Variants in SLC25A21 observed in about 807,000 individuals in gnomAD.
The protein encoded by SLC25A21 is solute carrier family 25 member 21.
SLC25A21 carries 47 observed loss-of-function variants against 43.8 expected under a neutral mutation model. The ratio of observed to expected loss-of-function variants is 1.07; its 90% confidence interval spans 0.85 to 1.37. The LOEUF is 1.37. SLC25A21 is among the 40% of genes most tolerant of loss of function. The pLI is 0.00. For synonymous variants in SLC25A21, 131 were observed against 121.3 expected (o/e 1.08, Z -0.52); for missense variants, 352 against 350.2 (o/e 1.00, Z -0.04).
intron 2 of SLC25A21, among the ~76,000 whole-genome samples, chr14:36,843,703 GTCACT>G (rs1889455871): frequency 6.6e-6 from 1 of 152,064 alleles, no homozygotes; most frequent in South Asian, 2.1e-4. Context: ...ACCAAATGTT[GTCACT>G]TCATTCACGA....
intron 2 of SLC25A21, among the ~76,000 whole-genome samples, chr14:36,873,388 C>T (rs556712912): frequency 3.9e-5 from 6 of 152,136 alleles, no homozygotes; most frequent in South Asian, 4.2e-4. Context: ...CTCTACCTCC[C>T]GGGTTCAAGT....
chr14:37,022,400 G>C (rs1161750647), intron 1 of SLC25A21, among the ~76,000 whole-genome samples: 1 of 151,828 alleles, frequency 6.6e-6, no homozygotes, highest in East Asian at 1.9e-4. Context: ...GTGAGAATAG[G>C]AACAGAGACA....
At chr14:36,688,332 A>G (rs1272986154) in intron 7 of SLC25A21, among the ~76,000 whole-genome samples, 1 of 152,168 alleles carries the variant, frequency 6.6e-6, no homozygotes, top group African/African-American at 2.4e-5. Flanking sequence ...AGTGTTCAGT[A>G]TATTTTTGCG....
intron 1 of SLC25A21, among the ~76,000 whole-genome samples, chr14:37,072,452 C>T (rs1566860234): frequency 6.6e-6 from 1 of 152,054 alleles, no homozygotes; most frequent in Non-Finnish European, 1.5e-5. Flanking sequence ...TGGTTGAGCA[C>T]AAACCAAAGA....
chr14:36,891,805 A>T (rs2138583596), intron 1 of SLC25A21, among the ~76,000 whole-genome samples: 1 of 152,240 alleles, frequency 6.6e-6, no homozygotes, highest in Non-Finnish European at 1.5e-5. Flanking sequence ...CTGGAACTTC[A>T]AAGAGGCAGT....
intron 1 of SLC25A21, among the ~76,000 whole-genome samples, chr14:36,891,418 A>G (rs1891068394): frequency 1.3e-5 from 2 of 152,186 alleles, no homozygotes; most frequent in African/African-American, 2.4e-5. Context: ...TTTAGCTACC[A>G]GGTAATTTTT....
At chr14:37,122,758 T>C (rs1963231674) in intron 1 of SLC25A21, among the ~76,000 whole-genome samples, 1 of 152,192 alleles carries the variant, frequency 6.6e-6, no homozygotes, top group South Asian at 2.1e-4. Context: ...CCTTCCCTCT[T>C]CCATGATCAC....
intron 2 of SLC25A21, among the ~76,000 whole-genome samples, chr14:36,861,215 T>C (rs915583394): frequency 6.6e-6 from 1 of 152,210 alleles, no homozygotes. Context: ...TTGGTCAAGG[T>C]TCACAGTTAT....
At chr14:36,933,669 A>G (rs1240796864) in intron 1 of SLC25A21, among the ~76,000 whole-genome samples, 1 of 152,002 alleles carries the variant, frequency 6.6e-6, no homozygotes, top group Admixed American at 6.6e-5. Flanking sequence ...CCACATCAGA[A>G]CTCTCTCTAA....
At chr14:36,764,849 C>T (rs1315759638) in intron 3 of SLC25A21, among the ~76,000 whole-genome samples, 2 of 152,170 alleles carry the variant, frequency 1.3e-5, no homozygotes, top group Non-Finnish European at 2.9e-5. Context: ...GAAGAGACAC[C>T]TCATATGGCT....
At chr14:36,740,943 G>A (rs1318721024) in intron 3 of SLC25A21, among the ~76,000 whole-genome samples, 9 of 152,048 alleles carry the variant, frequency 5.9e-5, no homozygotes, top group African/African-American at 2.2e-4. Flanking sequence ...TAGTCAGTTT[G>A]AACGACTAAA....
At chr14:36,884,906 C>T (rs765263771) in intron 1 of SLC25A21, among the ~76,000 whole-genome samples, 9 of 152,006 alleles carry the variant, frequency 5.9e-5, no homozygotes, top group Non-Finnish European at 1.2e-4. Context: ...GTATTTTCTC[C>T]GAACCCATGG....
At chr14:36,923,882 T>C (rs2138627895) in intron 1 of SLC25A21, among the ~76,000 whole-genome samples, 1 of 152,252 alleles carries the variant, frequency 6.6e-6, no homozygotes, top group Middle Eastern at 3.4e-3. Flanking sequence ...AACAGACACT[T>C]CTTAAAAGAA....
intron 1 of SLC25A21, among the ~76,000 whole-genome samples, chr14:36,929,099 T>G (rs917303063): frequency 3.1e-4 from 47 of 152,174 alleles, no homozygotes; most frequent in African/African-American, 4.8e-5. Context: ...TTCAAAGAAC[T>G]AGTAATTTCA....
chr14:36,973,800 G>C (rs934772404), intron 1 of SLC25A21, among the ~76,000 whole-genome samples: 2 of 152,154 alleles, frequency 1.3e-5, no homozygotes, highest in African/African-American at 4.8e-5. Flanking sequence ...AAAGCTCACA[G>C]GAAAAGGGGG....
intron 1 of SLC25A21, among the ~76,000 whole-genome samples, chr14:37,040,502 T>C (rs530388933): frequency 7.3e-5 from 11 of 151,692 alleles, no homozygotes; most frequent in Non-Finnish European, 1.5e-4. Flanking sequence ...TTGACTGGCA[T>C]GGGTAGAGGG....
rs1884742755 is a variant in SLC25A21, at chr14:36,729,629, A to T, written c.271-63T>A. The T allele has an allele frequency of 2.2e-6, 3 of 1,360,728 alleles. No homozygotes were observed. In the Admixed American group the frequency reaches 6.5e-5, roughly 29 times the overall value. 84.3% of individuals were successfully genotyped at this position (1,360,728 alleles called of 1,614,324 possible). ...TTTCCTGCAACAAACTCTTTAATTG[A>T]CTCAAATTTCTTTGGTAAATCATTA... On this transcript the variant is annotated intron_variant, in intron 4 of 9. Coordinates refer to ENST00000331299, the MANE Select transcript of SLC25A21 (RefSeq NM_030631.4).
intron 1 of SLC25A21, among the ~76,000 whole-genome samples, chr14:37,075,207 T>C (rs2138830681): frequency 6.6e-6 from 1 of 152,280 alleles, no homozygotes; most frequent in South Asian, 2.1e-4. Flanking sequence ...TTCCTTCTTC[T>C]TTCAACATTT....
At chr14:36,720,871 C>T (rs1384589438) in intron 6 of SLC25A21, among the ~76,000 whole-genome samples, 1 of 152,144 alleles carries the variant, frequency 6.6e-6, no homozygotes, top group Non-Finnish European at 1.5e-5. Context: ...TATCAACAGG[C>T]ACTGTAAGCA....
Sources: allele counts gnomAD v4.1 joint callset (sites outside exome capture counted in the v4.1 genomes callset), GRCh38; gene constraint gnomAD v4.1.1; transcripts MANE v1.5; gene names NCBI Gene and HGNC (gene_info 2026-07-23, HGNC 2026-07-21).